MACROH2A2: variants seen among roughly 807,000 people sequenced by gnomAD.
MACROH2A2 encodes the protein core histone macro-H2A.2.
A neutral mutation model predicts 37.6 loss-of-function variants in MACROH2A2; 6 were observed. The ratio of observed to expected loss-of-function variants is 0.16; its 90% confidence interval spans 0.09 to 0.32. The LOEUF (loss-of-function observed/expected upper bound fraction) is 0.32. Among genes scored for constraint, MACROH2A2 ranks in the 10% least tolerant of loss-of-function variants. The pLI, the probability that MACROH2A2 is intolerant of heterozygous loss-of-function variation, is 1.00. For missense variants in MACROH2A2, 290 were observed against 485.9 expected, an observed-to-expected ratio of 0.60 and a Z score of 3.79; for synonymous variants, 192 against 202.7, an observed-to-expected ratio of 0.95 and a Z score of 0.45.
At chr10:70,089,958 CAAAT>C (rs1309264191) in intron 2 of MACROH2A2, 98 bp from the exon 3 acceptor site, 6 of 790,094 alleles carry the variant, frequency 7.6e-6, no homozygotes, top group Non-Finnish European at 1.3e-5. Flanking sequence ...ATAGAAATCA[CAAAT>C]GAATGAATGT....
rs368415084 is a variant in MACROH2A2, at chr10:70,111,690, C to T, written c.*7C>T. The T allele has an allele frequency of 6.9e-6, 11 of 1,600,664 alleles. No homozygotes were observed. In the African/African-American group the frequency reaches 1.3e-4, roughly 19 times the overall value. ...CAAGCTCGACGCCAAGTAGCCGCCGCACTTTCCAGCAGGGATCGGAGGACG... is the reference window on the plus strand; with the variant it reads ...CAAGCTCGACGCCAAGTAGCCGCCGTACTTTCCAGCAGGGATCGGAGGACG... On this transcript the variant is annotated 3_prime_UTR_variant, in exon 9 of 9. Transcript: ENST00000373255.
At chr10:70,101,018 C>T (rs2072303631) in intron 7 of MACROH2A2, among the ~76,000 whole-genome samples, 2 of 152,202 alleles carry the variant, frequency 1.3e-5, no homozygotes, top group African/African-American at 4.8e-5. Context: ...TATCACCTCA[C>T]ACAGAAACCC....
At chr10:70,097,064 T>G (rs1171730392) in intron 6 of MACROH2A2, among the ~76,000 whole-genome samples, 1 of 152,190 alleles carries the variant, frequency 6.6e-6, no homozygotes, top group Non-Finnish European at 1.5e-5. Context: ...TTTTTTTAAT[T>G]GGCATGGTGG....
rs2136611246 is a variant in MACROH2A2 at position 70,053,809 on chromosome 10, C to T, written c.-60+809C>T. On this transcript the variant is annotated intron_variant, in intron 1 of 8. Transcript: ENST00000373255. This position sits in a 1 kb window ranked among gnomAD's most constrained non-coding sequence, Gnocchi z 4.8. ...GTGGCTCGCCTGGGCAGTCTGGCTC[C>T]CGCTTTGCGCGGGAAAAAATAATAA... Among the ~76,000 whole-genome samples, 1 of 152,142 alleles carries T rather than the reference C, an allele frequency of 6.6e-6. No homozygotes were observed. Among genetic ancestry groups the T allele is most frequent in the South Asian group, 2.1e-4 (1 of 4,828 alleles).
chr10:70,102,785 C>T (rs1438352297), intron 7 of MACROH2A2, among the ~76,000 whole-genome samples: 3 of 151,974 alleles, frequency 2.0e-5, no homozygotes, highest in Non-Finnish European at 4.4e-5. Flanking sequence ...AACAAGAGCC[C>T]ACACTTTAAA....
At chr10:70,060,633 G>T (rs529218448) in intron 1 of MACROH2A2, among the ~76,000 whole-genome samples, 3 of 152,180 alleles carry the variant, frequency 2.0e-5, no homozygotes. Context: ...CTAACGGTGC[G>T]CCTGCACACC....
intron 6 of MACROH2A2, among the ~76,000 whole-genome samples, chr10:70,096,501 T>C (rs753745837): frequency 5.9e-5 from 9 of 151,988 alleles, no homozygotes; most frequent in Non-Finnish European, 1.2e-4. Context: ...GAGCATTGAG[T>C]TATTTTTGCC....
intron 7 of MACROH2A2, among the ~76,000 whole-genome samples, chr10:70,103,755 T>C (rs945915138): frequency 7.2e-5 from 11 of 151,890 alleles, no homozygotes; most frequent in African/African-American, 2.4e-4. Flanking sequence ...AAATGATGGC[T>C]CTTCTACTGA....
At chr10:70,093,149 A>T (rs1053293712) in intron 4 of MACROH2A2, among the ~76,000 whole-genome samples, 3 of 152,196 alleles carry the variant, frequency 2.0e-5, no homozygotes, top group African/African-American at 7.2e-5. Flanking sequence ...CATTGGAATT[A>T]TAAGTGTGAG....
chr10:70,087,441 C>T (rs2072218546), intron 2 of MACROH2A2, among the ~76,000 whole-genome samples: 1 of 151,878 alleles, frequency 6.6e-6, no homozygotes, highest in Non-Finnish European at 1.5e-5. Flanking sequence ...CCATGTTGGC[C>T]AGTCTGGTCT....
At chr10:70,074,456 A>G (rs1036174450) in intron 1 of MACROH2A2, among the ~76,000 whole-genome samples, 4 of 152,196 alleles carry the variant, frequency 2.6e-5, no homozygotes, top group Non-Finnish European at 5.9e-5. Context: ...TGAGTGCTAC[A>G]TTATTGCAGG....
chr10:70,091,848 C>A lies in MACROH2A2; in HGVS notation c.371C>A (p.Ser124Ter). The A allele has an allele frequency of 6.2e-7, 1 of 1,613,918 alleles. No homozygotes were observed. The highest frequency in any genetic ancestry group is 8.5e-7 in the Non-Finnish European group (1 of 1,179,942). The change falls in exon 4 of 9, where the codon TCG (serine) becomes TAG (stop). Residue 124 changes from serine (S) to a stop codon, truncating the protein, a stop_gained. Coordinates refer to ENST00000373255, the MANE Select transcript of MACROH2A2 (RefSeq NM_018649.3). LOFTEE classifies it high-confidence loss of function. ...LAKKRGTKGK[S>*]ETILSPPPEK... ...AAAAAGCGAGGGACCAAAGGCAAGT[C>A]GGAAACGATCCTCTCCCCACCCCCA...
chr10:70,109,001 T>C (rs751195171), intron 7 of MACROH2A2, 32 bp from the exon 8 acceptor site: 1 of 1,605,020 alleles, frequency 6.2e-7, no homozygotes. Flanking sequence ...CCTTAGGAAA[T>C]AACCCGCGGC....
chr10:70,059,660 C>T (rs111841100), intron 1 of MACROH2A2, among the ~76,000 whole-genome samples: 18,839 of 152,136 alleles, frequency 0.12, 1,248 homozygotes, highest in South Asian at 0.22. Context: ...CGTGAGCCAC[C>T]GCGCCTGGCC....
At chr10:70,059,451 C>A (rs138299392) in intron 1 of MACROH2A2, among the ~76,000 whole-genome samples, 20 of 151,846 alleles carry the variant, frequency 1.3e-4, no homozygotes, top group African/African-American at 4.8e-4. Context: ...TGGCTCACTG[C>A]AACCTCTGCC....
chr10:70,086,197 A>G (rs995129591), intron 2 of MACROH2A2, among the ~76,000 whole-genome samples: 23 of 151,950 alleles, frequency 1.5e-4, no homozygotes, highest in Non-Finnish European at 3.2e-4. Context: ...TAAATGGTGA[A>G]GTCCATGTCT....
rs1351542297 is a variant in MACROH2A2 at position 70,112,079 on chromosome 10, C to G, written c.*396C>G. ...CCTGGGCTCTGTTGGTGTGCGTGTT[C>G]CGTGGCGGAGAGAAGAAAATGGGAA... On this transcript the variant is annotated 3_prime_UTR_variant, in exon 9 of 9. Transcript: ENST00000373255. The G allele has an allele frequency of 6.5e-6, 1 of 154,812 alleles. No individual in the cohort carries two copies. The highest frequency in any genetic ancestry group is 1.4e-5 in the Non-Finnish European group (1 of 69,986). 9.6% of individuals were successfully genotyped at this position (154,812 alleles called of 1,614,324 possible). A position where few individuals can be genotyped will look rare whatever the true frequency, so the allele number is the denominator to read the frequency against.
chr10:70,076,318 C>G (rs867934642), intron 2 of MACROH2A2, among the ~76,000 whole-genome samples: 4 of 152,222 alleles, frequency 2.6e-5, no homozygotes, highest in Non-Finnish European at 4.4e-5. Context: ...CTTTCAGGTG[C>G]TGGCATGAAG....
At chr10:70,070,955 TGAGGA>T (rs972428199) in intron 1 of MACROH2A2, among the ~76,000 whole-genome samples, 9 of 146,676 alleles carry the variant, frequency 6.1e-5, no homozygotes, top group Admixed American at 6.7e-5. Context: ...CTGGCTGTTT[TGAGGA>T]AAGTGTGTGT....
Sources: allele counts gnomAD v4.1 joint callset (sites outside exome capture counted in the v4.1 genomes callset), GRCh38; gene constraint gnomAD v4.1.1; non-coding constraint Gnocchi (gnomAD v3.1); transcripts MANE v1.5; gene names NCBI Gene and HGNC (gene_info 2026-07-23, HGNC 2026-07-21).